Variants in EXOC2 observed in about 807,000 individuals in gnomAD.
EXOC2 encodes the protein SEC5-like 1.
In EXOC2, 70 loss-of-function variants were observed where a neutral mutation model predicts 131.8. That is an observed-to-expected ratio of 0.53 (90% CI 0.44 to 0.65). The LOEUF is 0.65. Ranked by LOEUF, EXOC2 falls within the 30% of genes least tolerant of loss-of-function variation. The pLI is 0.00. For synonymous variants in EXOC2, 411 were observed against 398.4 expected (o/e 1.03, Z -0.38); for missense variants, 923 against 1,108.6 (o/e 0.83, Z 2.38).
intron 13 of EXOC2, among the ~76,000 whole-genome samples, chr6:568,719 C>A (rs192551251): frequency 6.6e-6 from 1 of 152,128 alleles, no homozygotes; most frequent in African/African-American, 2.4e-5. Flanking sequence ...TACCTGATAC[C>A]AAACTTTGTA....
At chr6:617,477 T>G (rs938372993) in intron 6 of EXOC2, among the ~76,000 whole-genome samples, 2 of 152,262 alleles carry the variant, frequency 1.3e-5, no homozygotes, top group African/African-American at 2.4e-5. Context: ...AGAGTTAAAG[T>G]AGTCTCCCAT....
At chr6:583,373 G>A (rs1150826) in intron 11 of EXOC2, among the ~76,000 whole-genome samples, 11 of 152,168 alleles carry the variant, frequency 7.2e-5, no homozygotes, top group Admixed American at 7.2e-4. Context: ...CAGTGGAAAA[G>A]AACCAGCTGC....
In EXOC2 at chr6:632,965, T is replaced by G; in HGVS notation, c.271A>C (p.Lys91Gln). The change falls in exon 3 of 28, where the codon AAG becomes CAG. Residue 91 changes from lysine (K) to glutamine (Q), a missense_variant. Coordinates refer to ENST00000230449, the MANE Select transcript of EXOC2 (RefSeq NM_018303.6). ...CCTATTTTCTCAGGTTTGAGTAGCT[T>G]GAAAGAGACTGTTGAGGTTCCTCTG... ...GGRGTSTVSF[K>Q]LLKPEKIGIL... 6.2e-7 allele frequency: 1 copy of G among 1,613,664 alleles called. No homozygotes were observed. The highest frequency in any genetic ancestry group is 1.3e-5 in the African/African-American group (1 of 75,022).
intron 4 of EXOC2, among the ~76,000 whole-genome samples, chr6:622,917 C>T (rs915339330): frequency 6.6e-6 from 1 of 152,212 alleles, no homozygotes; most frequent in South Asian, 2.1e-4. Flanking sequence ...CTAAACTGCT[C>T]TCAGTTATAT....
intron 1 of EXOC2, chr6:668,950 C>T (rs1406715336): frequency 6.6e-6 from 1 of 152,170 alleles, no homozygotes; most frequent in Non-Finnish European, 1.5e-5. Flanking sequence ...CCATGCAGAA[C>T]CCATGGATAT....
At chr6:582,186 G>C (rs759012007) in intron 11 of EXOC2, among the ~76,000 whole-genome samples, 2 of 152,052 alleles carry the variant, frequency 1.3e-5, no homozygotes, top group Non-Finnish European at 2.9e-5. Flanking sequence ...AACCATATCA[G>C]TCAAATCCTT....
intron 17 of EXOC2, among the ~76,000 whole-genome samples, chr6:562,068 G>A (rs1306734282): frequency 6.6e-6 from 1 of 152,194 alleles, no homozygotes; most frequent in East Asian, 1.9e-4. Flanking sequence ...GAGTGACCCC[G>A]AGGCCAGCCT....
intron 1 of EXOC2, among the ~76,000 whole-genome samples, chr6:642,063 T>TC (rs1191702094): frequency 6.6e-6 from 1 of 151,824 alleles, no homozygotes; most frequent in Non-Finnish European, 1.5e-5. Context: ...CCTCTGACAT[T>TC]CCCCACATGA....
At chr6:680,962 A>G (rs1214263148) in intron 1 of EXOC2, among the ~76,000 whole-genome samples, 3 of 149,902 alleles carry the variant, frequency 2.0e-5, no homozygotes, top group Non-Finnish European at 4.4e-5. Context: ...CTCCTCAACA[A>G]CAGCAGCAGA....
intron 27 of EXOC2, among the ~76,000 whole-genome samples, chr6:487,687 G>A (rs1354341805): frequency 2.6e-5 from 4 of 152,292 alleles, no homozygotes; most frequent in Non-Finnish European, 5.9e-5. Context: ...TTACAGGCAT[G>A]AGCCACTGCG....
At chr6:568,285 A>C (rs1390416265) in intron 13 of EXOC2, among the ~76,000 whole-genome samples, 1 of 152,236 alleles carries the variant, frequency 6.6e-6, no homozygotes, top group Admixed American at 6.5e-5. Flanking sequence ...ACAGCACAAA[A>C]GAGCTGATCC....
At position 576,953 on chromosome 6, in the gene EXOC2, G is replaced by A. The variant is rs1270189785; in HGVS notation, c.1193-71C>T. ...ATACTCTTGCTTAGTTGATTTAATG[G>A]TCTGCTTCTCTGAGGCTATTTCTTG... On this transcript the variant is annotated intron_variant, in intron 11 of 27. Coordinates refer to ENST00000230449, the MANE Select transcript of EXOC2 (RefSeq NM_018303.6). 6.3e-6 allele frequency: 9 copies of A among 1,429,484 alleles called. No homozygotes were observed. In the African/African-American group the frequency reaches 1.3e-4, roughly 21 times the overall value. The allele number at this position is 1,429,484 out of a possible 1,614,324, so 88.6% of individuals were successfully genotyped here.
chr6:555,077 A>T, intron 20 of EXOC2, 150 bp downstream of exon 20: 1 of 422,704 alleles, frequency 2.4e-6, no homozygotes, highest in Admixed American at 4.3e-5. Flanking sequence ...GAAAGAATAT[A>T]GGTCGAATAT....
chr6:576,989 C>A, intron 11 of EXOC2, 107 bp from the exon 12 acceptor site: 1 of 943,408 alleles, frequency 1.1e-6, no homozygotes, highest in East Asian at 2.8e-5. Flanking sequence ...CTCAATTGCT[C>A]CACTCTTAAA....
intron 12 of EXOC2, among the ~76,000 whole-genome samples, chr6:572,886 C>T (rs928720940): frequency 6.6e-6 from 1 of 152,244 alleles, no homozygotes; most frequent in African/African-American, 2.4e-5. Flanking sequence ...CATGGCTGAC[C>T]AGCAAGCCAG....
At chr6:661,621 A>G (rs763628199) in intron 1 of EXOC2, among the ~76,000 whole-genome samples, 2 of 152,234 alleles carry the variant, frequency 1.3e-5, no homozygotes, top group African/African-American at 4.8e-5. Context: ...CACCACTACA[A>G]GAACTGCTAA....
intron 23 of EXOC2, among the ~76,000 whole-genome samples, chr6:531,725 C>T (rs1022901129): frequency 3.3e-5 from 5 of 152,206 alleles, no homozygotes; most frequent in African/African-American, 1.2e-4. Context: ...GTTATATCTG[C>T]ATATGTACAC....
At chr6:656,100 C>G in intron 1 of EXOC2, 5 of 1,577,610 alleles carry the variant, frequency 3.2e-6, no homozygotes, top group Non-Finnish European at 4.3e-6. Flanking sequence ...TCTAAGCTGG[C>G]TGAATTTTTA....
chr6:546,698 T>A (rs1444769323), intron 22 of EXOC2, among the ~76,000 whole-genome samples: 1 of 152,252 alleles, frequency 6.6e-6, no homozygotes, highest in African/African-American at 2.4e-5. Context: ...ATATATTTTG[T>A]CTTCCTAATA....
Sources: gnomAD v4.1 joint callset for allele counts (sites outside exome capture counted in the v4.1 genomes callset) on GRCh38, gnomAD v4.1.1 for gene constraint, MANE v1.5 for transcripts, NCBI Gene and HGNC (gene_info 2026-07-23, HGNC 2026-07-21) for gene names.